The following SHOC2 variants were observed in gnomAD, a reference collection of about 807,000 sequenced individuals.
The protein encoded by SHOC2 is leucine-rich repeat protein SHOC-2.
SHOC2 carries 4 observed loss-of-function variants against 50.2 expected under a neutral mutation model. The observed-to-expected ratio is 0.08, with a 90% CI of 0.04 to 0.18. The LOEUF is 0.18. SHOC2 is among the 10% of genes least tolerant of loss of function. The pLI is 1.00. For synonymous variants in SHOC2, 218 were observed against 244.5 expected, an observed-to-expected ratio of 0.89 and a Z score of 1.01; for missense variants, 388 against 669.6, an observed-to-expected ratio of 0.58 and a Z score of 4.64.
At chr10:110,927,681 A>G (rs1489428003) in intron 1 of SHOC2, among the ~76,000 whole-genome samples, 2 of 152,206 alleles carry the variant, frequency 1.3e-5, no homozygotes, top group Admixed American at 6.5e-5. Flanking sequence ...TAGTAGTACA[A>G]CAGAATATGA....
intron 1 of SHOC2, among the ~76,000 whole-genome samples, chr10:110,928,865 A>T (rs1363835429): frequency 6.6e-6 from 1 of 152,220 alleles, no homozygotes; most frequent in Admixed American, 6.5e-5. Context: ...ACTGTACTCC[A>T]GCCTGGGGAA....
chr10:110,983,920 CTT>C (rs1467810411), intron 2 of SHOC2, among the ~76,000 whole-genome samples: 1 of 152,192 alleles, frequency 6.6e-6, no homozygotes, highest in Non-Finnish European at 1.5e-5. Flanking sequence ...TTAATAGACA[CTT>C]GGGTTGTTTC....
intron 1 of SHOC2, among the ~76,000 whole-genome samples, chr10:110,935,033 ACATATATGTG>A (rs1346183881): frequency 1.3e-5 from 2 of 152,206 alleles, no homozygotes; most frequent in African/African-American, 4.8e-5. Context: ...TACTTTCTGC[ACATATATGTG>A]CATATATATG....
In SHOC2 at chr10:110,940,590, C is replaced by T. The variant is rs1316273553; in HGVS notation, c.-235+20933C>T. ...ATAGAGCTTATATTAACAAATTATT[C>T]AGGTGCTTCTTAGGTATTGCAGCAT... On this transcript the variant is annotated intron_variant, in intron 1 of 8. Coordinates refer to ENST00000369452, the MANE Select transcript of SHOC2 (RefSeq NM_007373.4). 2.6e-5 allele frequency among the ~76,000 whole-genome samples: 4 copies of T among 152,150 alleles called. No individual in the cohort carries two copies. In the South Asian group the frequency reaches 8.3e-4, roughly 32 times the overall value.
intron 2 of SHOC2, among the ~76,000 whole-genome samples, chr10:110,972,977 G>A (rs147338712): frequency 2.2e-4 from 33 of 152,340 alleles, no homozygotes; most frequent in African/African-American, 7.5e-4. Context: ...AAGACAGCAT[G>A]TTACAAAATC....
At chr10:111,006,618 C>T (rs1242228663) in intron 5 of SHOC2, among the ~76,000 whole-genome samples, 2 of 152,328 alleles carry the variant, frequency 1.3e-5, no homozygotes, top group Admixed American at 6.5e-5. Flanking sequence ...GATCCGCCCG[C>T]CTCGGCCTCC....
At position 110,978,345 on chromosome 10, in the gene SHOC2, C is replaced by T. The variant is rs752813688; in HGVS notation, c.704-7283C>T. Among the ~76,000 whole-genome samples the T allele has an allele frequency of 3.3e-5, 5 of 152,114 alleles. No individual in the cohort carries two copies. The South Asian group carries it at 1.0e-3, about 32-fold the overall frequency. On this transcript the variant is annotated intron_variant, in intron 2 of 8. Coordinates refer to ENST00000369452, the MANE Select transcript of SHOC2 (RefSeq NM_007373.4). Reference sequence around the variant, plus strand: ...CTAATACTGTAACTCCTGTGGATTCCATTATCCTCTGAAAAGTGTTACATT... The same window carrying T: ...CTAATACTGTAACTCCTGTGGATTCTATTATCCTCTGAAAAGTGTTACATT...
intron 3 of SHOC2, among the ~76,000 whole-genome samples, chr10:110,994,911 C>T (rs531998104): frequency 1.3e-4 from 20 of 152,244 alleles, no homozygotes; most frequent in African/African-American, 4.3e-4. Context: ...AGTTGGGTAT[C>T]CCAGAAAAAT....
At chr10:110,933,946 T>C (rs527777672) in intron 1 of SHOC2, among the ~76,000 whole-genome samples, 2 of 152,334 alleles carry the variant, frequency 1.3e-5, no homozygotes, top group African/African-American at 4.8e-5. Flanking sequence ...AAAGCCACAG[T>C]GTGTGTTAAG....
At chr10:110,968,633 A>T (rs1232138384) in intron 2 of SHOC2, among the ~76,000 whole-genome samples, 1 of 151,916 alleles carries the variant, frequency 6.6e-6, no homozygotes, top group Non-Finnish European at 1.5e-5. Context: ...ATTCAGCAGT[A>T]TATTTGAGGA....
chr10:110,931,697 A>G (rs1423053945), intron 1 of SHOC2, among the ~76,000 whole-genome samples: 2 of 152,136 alleles, frequency 1.3e-5, no homozygotes, highest in Non-Finnish European at 2.9e-5. Flanking sequence ...GTATTTATTG[A>G]GCATTTATTT....
At chr10:110,920,776 C>T (rs1846624942) in intron 1 of SHOC2, among the ~76,000 whole-genome samples, 1 of 152,150 alleles carries the variant, frequency 6.6e-6, no homozygotes, top group East Asian at 1.9e-4. Context: ...TTTTCGAAGT[C>T]TCTGGGGATG....
chr10:110,968,005 T>A (rs76640914), intron 2 of SHOC2, among the ~76,000 whole-genome samples: 1 of 152,230 alleles, frequency 6.6e-6, no homozygotes, highest in East Asian at 1.9e-4. Flanking sequence ...TTGAGTCATA[T>A]GGTAACTCTA....
intron 2 of SHOC2, among the ~76,000 whole-genome samples, chr10:110,967,247 G>A (rs1485923272): frequency 6.6e-6 from 1 of 152,170 alleles, no homozygotes; most frequent in Non-Finnish European, 1.5e-5. Flanking sequence ...TGAAGATCAT[G>A]CTTCTAGGTT....
chr10:110,925,810 T>G (rs2134069766), intron 1 of SHOC2, among the ~76,000 whole-genome samples: 1 of 152,348 alleles, frequency 6.6e-6, no homozygotes, highest in East Asian at 1.9e-4. Context: ...TGAGGCCTAA[T>G]TTTGATATCC....
At chr10:110,951,806 T>C (rs1847358490) in intron 1 of SHOC2, 1 of 152,198 alleles carries the variant, frequency 6.6e-6, no homozygotes, top group South Asian at 2.1e-4. Flanking sequence ...ACTAGGATTA[T>C]AGCCATGTCT....
intron 3 of SHOC2, among the ~76,000 whole-genome samples, chr10:111,000,046 A>T (rs773589884): frequency 6.6e-6 from 1 of 152,218 alleles, no homozygotes; most frequent in Admixed American, 6.5e-5. Flanking sequence ...TCTAAATTGG[A>T]TCATCATAAC....
intron 6 of SHOC2, among the ~76,000 whole-genome samples, 173 bp downstream of exon 6, chr10:111,007,826 T>C (rs1179208929): frequency 2.0e-5 from 3 of 152,160 alleles, no homozygotes; most frequent in Admixed American, 6.5e-5. Flanking sequence ...TTAGGTAGTC[T>C]AGATTCAGTG....
Position 111,013,195 on chromosome 10 carries a change from A to G in SHOC2, c.*1377A>G, listed in dbSNP as rs188505184. On this transcript the variant is annotated 3_prime_UTR_variant, in exon 9 of 9. Transcript: ENST00000369452. ...TTAGCAGTATTGTTGGTCTAAGTCA[A>G]TTTGATTATTGAGGAGTCTCAGAGC... 7 of 152,254 alleles carry G rather than the reference A, an allele frequency of 4.6e-5. No individual in the cohort carries two copies. The highest frequency in any genetic ancestry group is 2.1e-4 in the South Asian group (1 of 4,832). 9.4% of individuals were successfully genotyped at this position (152,254 alleles called of 1,614,324 possible).
Sources: gnomAD v4.1 joint callset for allele counts (sites outside exome capture counted in the v4.1 genomes callset) on GRCh38, gnomAD v4.1.1 for gene constraint, MANE v1.5 for transcripts, NCBI Gene and HGNC (gene_info 2026-07-23, HGNC 2026-07-21) for gene names.